The following RORA variants were observed in gnomAD, a reference collection of about 807,000 sequenced individuals.
RORA encodes the protein RAR related orphan receptor A, also known as nuclear receptor ROR-alpha.
Under a neutral mutation model 69.5 loss-of-function variants are expected in RORA, and 7 were observed. That is an observed-to-expected ratio of 0.10 (90% CI 0.06 to 0.19). The LOEUF is 0.19. Among genes scored for constraint, RORA ranks in the 10% least tolerant of loss-of-function variants. The probability of loss-of-function intolerance (pLI) is 1.00; values close to 1 mark genes in which losing one functional copy is unlikely to be tolerated. For missense variants in RORA, 457 were observed against 663.0 expected (o/e 0.69, Z 3.41); for synonymous variants, 261 against 240.8 (o/e 1.08, Z -0.78).
At chr15:61,074,908 G>C (rs995252818) in intron 1 of RORA, among the ~76,000 whole-genome samples, 2 of 151,950 alleles carry the variant, frequency 1.3e-5, no homozygotes, top group African/African-American at 4.8e-5. Flanking sequence ...CCAACATGAT[G>C]AAATCCCGTC....
intron 1 of RORA, among the ~76,000 whole-genome samples, chr15:60,821,175 C>T (rs1338868683): frequency 6.6e-6 from 1 of 152,208 alleles, no homozygotes; most frequent in Non-Finnish European, 1.5e-5. Flanking sequence ...CCATCTTCCA[C>T]TGGAGATGCC....
At chr15:60,915,995 G>A (rs1189468102) in intron 1 of RORA, among the ~76,000 whole-genome samples, 2 of 152,186 alleles carry the variant, frequency 1.3e-5, no homozygotes, top group Admixed American at 6.5e-5. Context: ...GAGACATGGG[G>A]GTGTTTCTTT....
At chr15:60,935,831 C>T (rs985020402) in intron 1 of RORA, among the ~76,000 whole-genome samples, 2 of 152,180 alleles carry the variant, frequency 1.3e-5, no homozygotes, top group Admixed American at 1.3e-4. Flanking sequence ...CCTTTGAGAC[C>T]GCAGCAGACA....
intron 1 of RORA, among the ~76,000 whole-genome samples, chr15:60,685,422 A>G (rs2070727894): frequency 6.6e-6 from 1 of 152,232 alleles, no homozygotes; most frequent in Admixed American, 6.5e-5. Context: ...TGAATAGCTA[A>G]TAATTGTTTT....
intron 1 of RORA, among the ~76,000 whole-genome samples, chr15:61,078,389 G>A (rs963343677): frequency 6.9e-6 from 1 of 144,518 alleles, no homozygotes; most frequent in Non-Finnish European, 1.5e-5. Context: ...AGTAGAAATG[G>A]GGTTTCACCA....
intron 1 of RORA, among the ~76,000 whole-genome samples, chr15:61,042,454 C>G (rs550961083): frequency 1.3e-5 from 2 of 152,288 alleles, no homozygotes; most frequent in South Asian, 4.1e-4. Flanking sequence ...CATTCTGATA[C>G]TACCCGCTGG....
intron 2 of RORA, chr15:60,557,961 T>A (rs2067416176): frequency 3.5e-6 from 1 of 285,632 alleles, no homozygotes; most frequent in Admixed American, 5.1e-5. Context: ...ATTTACTTTC[T>A]TGATGATAAA....
intron 1 of RORA, among the ~76,000 whole-genome samples, chr15:61,127,628 G>A (rs1429745620): frequency 6.6e-6 from 1 of 152,210 alleles, no homozygotes; most frequent in Non-Finnish European, 1.5e-5. Flanking sequence ...CGATTCTGGA[G>A]TTTCCTTTCA....
At chr15:61,017,217 G>T (rs919480547) in intron 1 of RORA, among the ~76,000 whole-genome samples, 48 of 152,332 alleles carry the variant, frequency 3.2e-4, no homozygotes, top group Non-Finnish European at 4.4e-5. Context: ...AGTTCCAAAT[G>T]TGAGAGATTC....
At chr15:60,510,957 C>T (rs2065677696) in intron 5 of RORA, among the ~76,000 whole-genome samples, 1 of 151,966 alleles carries the variant, frequency 6.6e-6, no homozygotes, top group East Asian at 1.9e-4. Context: ...GTAGCCATTT[C>T]CTGAACTTAC....
At position 60,757,156 on chromosome 15, in the gene RORA, C is replaced by T. The variant is rs531294259; in HGVS notation, c.167-78470G>A. ...CATAAGTTTAGAAATGGCTGGGGAACGCTGTTCTAGACTCTTTATATCTGC... is the reference window on the plus strand; with the variant it reads ...CATAAGTTTAGAAATGGCTGGGGAATGCTGTTCTAGACTCTTTATATCTGC... On this transcript the variant is annotated intron_variant, in intron 1 of 10. Coordinates refer to ENST00000335670, the MANE Select transcript of RORA (RefSeq NM_134261.3). 7.2e-5 allele frequency among the ~76,000 whole-genome samples: 11 copies of T among 152,208 alleles called. No homozygotes were observed. In the East Asian group the frequency reaches 9.7e-4, roughly 13 times the overall value.
chr15:60,756,905 A>G (rs985814631), intron 1 of RORA, among the ~76,000 whole-genome samples: 2 of 152,230 alleles, frequency 1.3e-5, no homozygotes, highest in Non-Finnish European at 2.9e-5. Flanking sequence ...AAATTAAACC[A>G]TGGGAATCAC....
chr15:61,115,560 T>C (rs2079043232), intron 1 of RORA, among the ~76,000 whole-genome samples: 1 of 152,168 alleles, frequency 6.6e-6, no homozygotes. Context: ...AGAGATGGCA[T>C]TGGAAATAGG....
intron 1 of RORA, among the ~76,000 whole-genome samples, chr15:60,873,095 T>C (rs1487176676): frequency 6.6e-6 from 1 of 152,170 alleles, no homozygotes; most frequent in Non-Finnish European, 1.5e-5. Flanking sequence ...TCTCCCAGTC[T>C]CAGCTGGTGC....
intron 1 of RORA, among the ~76,000 whole-genome samples, chr15:61,164,354 A>G (rs1487840345): frequency 6.6e-6 from 1 of 152,142 alleles, no homozygotes; most frequent in East Asian, 1.9e-4. Flanking sequence ...GGCTTATTAG[A>G]AAGATTGGGA....
chr15:60,844,973 T>A (rs2073246084), intron 1 of RORA, among the ~76,000 whole-genome samples: 1 of 152,198 alleles, frequency 6.6e-6, no homozygotes, highest in Non-Finnish European at 1.5e-5. Flanking sequence ...ATCAGTTGTA[T>A]AAGTGAAGGA....
In RORA at chr15:60,552,947, A is replaced by G. The variant is rs112146450; in HGVS notation, c.197-21096T>C. ...TACAGATAGACAGCCTTGGACCCCA[A>G]TGCTAAATCTTCCACTTATTAGCAC... On this transcript the variant is annotated intron_variant, in intron 2 of 10. Coordinates refer to ENST00000335670, the MANE Select transcript of RORA (RefSeq NM_134261.3). Among the ~76,000 whole-genome samples, 1,327 of 152,256 alleles carry G rather than the reference A, an allele frequency of 8.7e-3. 17 individuals are homozygous for G. The highest frequency in any genetic ancestry group is 0.031 in the African/African-American group (1,270 of 41,536).
At chr15:60,632,959 T>C (rs1249718751) in intron 2 of RORA, among the ~76,000 whole-genome samples, 1 of 152,148 alleles carries the variant, frequency 6.6e-6, no homozygotes, top group Non-Finnish European at 1.5e-5. Flanking sequence ...AAAGGGTGTT[T>C]AAAAAAACCC....
intron 2 of RORA, chr15:60,558,126 A>G: frequency 1.3e-6 from 1 of 773,468 alleles, no homozygotes; most frequent in Non-Finnish European, 2.1e-6. Context: ...AAGTATGCCC[A>G]GTGCCACACC....
Sources: allele counts gnomAD v4.1 joint callset (sites outside exome capture counted in the v4.1 genomes callset), GRCh38; gene constraint gnomAD v4.1.1; transcripts MANE v1.5; gene names NCBI Gene and HGNC (gene_info 2026-07-23, HGNC 2026-07-21).